Variants in RASGRF2 observed in about 807,000 individuals in gnomAD.
The protein encoded by RASGRF2 is Ras protein specific guanine nucleotide releasing factor 2.
RASGRF2 carries 76 observed loss-of-function variants against 151.0 expected under a neutral mutation model. That is an observed-to-expected ratio of 0.50 (90% CI 0.42 to 0.61). RASGRF2 has a LOEUF of 0.61. Ranked by LOEUF, RASGRF2 falls within the 20% of genes least tolerant of loss-of-function variation. The pLI is 0.00. For synonymous variants in RASGRF2, 504 were observed against 566.5 expected, an observed-to-expected ratio of 0.89 and a Z score of 1.57; for missense variants, 1,148 against 1,564.6, an observed-to-expected ratio of 0.73 and a Z score of 4.49.
At position 81,221,141 on chromosome 5, in the gene RASGRF2, C is replaced by T. The variant is rs116142010; in HGVS notation, c.3621+1363C>T. ...TCTGACTGTTGATGTTAGCTTGAATCGCCTGGCTAAGGTAGTGTTTGCTGG... is the reference window on the plus strand; with the variant it reads ...TCTGACTGTTGATGTTAGCTTGAATTGCCTGGCTAAGGTAGTGTTTGCTGG... On this transcript the variant is annotated intron_variant, in intron 26 of 26. Transcript: ENST00000265080. Among the ~76,000 whole-genome samples, 504 of 152,284 alleles carry T rather than the reference C, an allele frequency of 3.3e-3. 7 individuals carry two copies. The East Asian group carries it at 0.05, about 15-fold the overall frequency.
chr5:80,975,853 C>CTT (rs71893376), intron 1 of RASGRF2, among the ~76,000 whole-genome samples: 53 of 133,730 alleles, frequency 4.0e-4, no homozygotes, highest in African/African-American at 1.2e-3. Context: ...AAGCAATCAT[C>CTT]TTTTTTTTTT....
chr5:81,160,946 C>A (rs1018273970), intron 17 of RASGRF2, among the ~76,000 whole-genome samples: 2 of 152,126 alleles, frequency 1.3e-5, no homozygotes, highest in Non-Finnish European at 2.9e-5. Context: ...TATCTGGAAT[C>A]AAATATCAGG....
chr5:81,096,859 G>T (rs1281223348), intron 12 of RASGRF2, among the ~76,000 whole-genome samples: 3 of 151,854 alleles, frequency 2.0e-5, no homozygotes, highest in Non-Finnish European at 4.4e-5. Context: ...AGATGCTATG[G>T]GTATTATGCT....
At chr5:81,199,729 A>G (rs1755344001) in intron 18 of RASGRF2, among the ~76,000 whole-genome samples, 1 of 150,028 alleles carries the variant, frequency 6.7e-6, no homozygotes, top group Non-Finnish European at 1.5e-5. Flanking sequence ...GAAACCCTGT[A>G]TCTACTAAAA....
chr5:81,194,941 GCATTTT>G (rs1240685369), intron 18 of RASGRF2, among the ~76,000 whole-genome samples: 3 of 152,240 alleles, frequency 2.0e-5, no homozygotes, highest in Non-Finnish European at 2.9e-5. Context: ...TAAACGTCTT[GCATTTT>G]CTGAGTGCGC....
At chr5:81,169,851 CACCACCTGT>C (rs1754605051) in intron 17 of RASGRF2, among the ~76,000 whole-genome samples, 2 of 66,602 alleles carry the variant, frequency 3.0e-5, no homozygotes, top group Non-Finnish European at 2.8e-5. Context: ...GCATCACCTG[CACCACCTGT>C]ATCACCCATA....
At chr5:81,075,926 C>T (rs1336247941) in intron 5 of RASGRF2, among the ~76,000 whole-genome samples, 2 of 152,078 alleles carry the variant, frequency 1.3e-5, no homozygotes, top group African/African-American at 4.8e-5. Context: ...ATGGATATTC[C>T]AACATCTAGA....
intron 9 of RASGRF2, 121 bp downstream of exon 9, chr5:81,087,074 A>C: frequency 1.1e-6 from 1 of 920,130 alleles, no homozygotes. Flanking sequence ...GGACCCCCCC[A>C]CGGCCTTCGC....
intron 2 of RASGRF2, among the ~76,000 whole-genome samples, chr5:81,066,464 A>G (rs1751605538): frequency 6.6e-6 from 1 of 152,222 alleles, no homozygotes; most frequent in African/African-American, 2.4e-5. Context: ...TTAGGTTAAA[A>G]GAAAGAATTT....
intron 12 of RASGRF2, among the ~76,000 whole-genome samples, chr5:81,104,051 A>G (rs547099340): frequency 2.0e-5 from 3 of 152,272 alleles, no homozygotes; most frequent in South Asian, 4.1e-4. Flanking sequence ...AGAGGAATGA[A>G]AGAAGGACAA....
chr5:81,208,707 A>G (rs928464808), intron 22 of RASGRF2, among the ~76,000 whole-genome samples: 2 of 151,868 alleles, frequency 1.3e-5, no homozygotes, highest in East Asian at 1.9e-4. Flanking sequence ...GCATGCCATC[A>G]TGCCTGGCTA....
chr5:81,047,299 A>C (rs981824320), intron 2 of RASGRF2, among the ~76,000 whole-genome samples: 29 of 152,194 alleles, frequency 1.9e-4, no homozygotes, highest in African/African-American at 5.8e-4. Flanking sequence ...CTGATAGAGA[A>C]GTAAGGTGTA....
chr5:80,996,459 A>G (rs950606742), intron 1 of RASGRF2, among the ~76,000 whole-genome samples: 1 of 114,882 alleles, frequency 8.7e-6, no homozygotes, highest in Admixed American at 9.7e-5. Flanking sequence ...GATACTTGGA[A>G]AATGTGTAAA....
intron 1 of RASGRF2, among the ~76,000 whole-genome samples, chr5:81,028,797 G>T (rs1750130097): frequency 6.6e-6 from 1 of 152,226 alleles, no homozygotes; most frequent in Non-Finnish European, 1.5e-5. Context: ...TCTCACTGGG[G>T]CTTGTCAGAC....
At chr5:81,054,093 G>T (rs1023851642) in intron 2 of RASGRF2, among the ~76,000 whole-genome samples, 20 of 152,126 alleles carry the variant, frequency 1.3e-4, no homozygotes, top group Non-Finnish European at 2.5e-4. Context: ...CACTCTGATG[G>T]TAGTTTCTTT....
chr5:81,216,359 ACACACACACG>A lies in RASGRF2; in HGVS notation c.3434+414_3434+423del, dbSNP rs916634025. Among the ~76,000 whole-genome samples the A allele has an allele frequency of 2.1e-4, 28 of 131,488 alleles. 1 individual carries two copies. Among genetic ancestry groups the A allele is most frequent in the Middle Eastern group, 4.2e-3 (1 of 240 alleles). The allele number at this position is 131,488 out of a possible 152,430, so 86.3% of individuals were successfully genotyped here. On this transcript the variant is annotated intron_variant, in intron 24 of 26. Coordinates refer to ENST00000265080, the MANE Select transcript of RASGRF2 (RefSeq NM_006909.3). Reference sequence around the variant, plus strand: ...GATTATTCCCTTTCTACACACACACACACACACACGCACACACACACACACAAACACACAC... The same window carrying A: ...GATTATTCCCTTTCTACACACACACACACACACACACACACAAACACACAC...
At chr5:81,140,738 C>T (rs1474885065) in intron 17 of RASGRF2, among the ~76,000 whole-genome samples, 1 of 152,200 alleles carries the variant, frequency 6.6e-6, no homozygotes, top group African/African-American at 2.4e-5. Flanking sequence ...TTTCCCTTCC[C>T]AGGCTCCCTG....
At position 81,229,123 on chromosome 5, in the gene RASGRF2, CTTTTA is replaced by C. The variant is rs1756058997; in HGVS notation, c.*3357_*3361del. On this transcript the variant is annotated 3_prime_UTR_variant, in exon 27 of 27. Coordinates refer to ENST00000265080, the MANE Select transcript of RASGRF2 (RefSeq NM_006909.3). Reference sequence around the variant, plus strand: ...CAGGGATTATTCCCAATAAAATTAACTTTTATTTAAAAGCAAGAGATTTTACTTAG... The same window carrying C: ...CAGGGATTATTCCCAATAAAATTAACTTTAAAAGCAAGAGATTTTACTTAG... The C allele has an allele frequency of 6.6e-6, 1 of 151,094 alleles. No homozygotes were observed. Among genetic ancestry groups the C allele is most frequent in the Admixed American group, 6.6e-5 (1 of 15,156 alleles). The allele number at this position is 151,094 out of a possible 1,614,324, so 9.4% of individuals were successfully genotyped here. A position where few individuals can be genotyped will look rare whatever the true frequency, so the allele number is the denominator to read the frequency against.
intron 18 of RASGRF2, among the ~76,000 whole-genome samples, chr5:81,180,701 T>C (rs1754896188): frequency 8.5e-6 from 1 of 117,058 alleles, no homozygotes; most frequent in Non-Finnish European, 1.7e-5. Context: ...GACACAAACC[T>C]CACGGTCCCC....
Sources: allele counts gnomAD v4.1 joint callset (sites outside exome capture counted in the v4.1 genomes callset), GRCh38; gene constraint gnomAD v4.1.1; transcripts MANE v1.5; gene names NCBI Gene and HGNC (gene_info 2026-07-23, HGNC 2026-07-21).